Variants in CELF1 observed in about 807,000 individuals in gnomAD.
CELF1 encodes the protein 50 kDa nuclear polyadenylated RNA-binding protein.
Under a neutral mutation model 61.8 loss-of-function variants are expected in CELF1, and 10 were observed. The ratio of observed to expected loss-of-function variants is 0.16; its 90% confidence interval spans 0.10 to 0.27. The LOEUF is 0.27. CELF1 is among the 10% of genes least tolerant of loss of function. The probability of loss-of-function intolerance (pLI) is 1.00; values close to 1 mark genes in which losing one functional copy is unlikely to be tolerated. For synonymous variants in CELF1, 236 were observed against 225.1 expected (o/e 1.05, Z -0.43); for missense variants, 380 against 639.1 (o/e 0.59, Z 4.37).
chr11:47,515,969 G>A (rs1037872882), intron 1 of CELF1, among the ~76,000 whole-genome samples: 2 of 151,406 alleles, frequency 1.3e-5, no homozygotes, highest in African/African-American at 4.9e-5. Context: ...CAGGCTAGAG[G>A]GTAGTGGTGC....
intron 3 of CELF1, among the ~76,000 whole-genome samples, chr11:47,493,513 G>GAAA (rs35976407): frequency 1.4e-4 from 12 of 84,918 alleles, no homozygotes; most frequent in South Asian, 4.3e-4. Context: ...ATCTCAAAAA[G>GAAA]AAAAAAAAAA....
At chr11:47,556,159 G>C (rs79152156), upstream of CELF1, among the ~76,000 whole-genome samples, 6,225 of 152,138 alleles carry the variant, frequency 0.041, 421 homozygotes, top group African/African-American at 0.14. Flanking sequence ...ATGGATAATG[G>C]CAGAGATTGT....
chr11:47,565,392 G>A (rs2097241806), exon 1 of CELF1: 2 of 302,214 alleles, frequency 6.6e-6, no homozygotes, highest in Non-Finnish European at 6.0e-6. Flanking sequence ...TCCCTTCGCC[G>A]GGGTCCCAGT....
intron 9 of CELF1, among the ~76,000 whole-genome samples, chr11:47,479,294 C>T (rs1056173913): frequency 2.0e-5 from 3 of 152,178 alleles, no homozygotes; most frequent in Non-Finnish European, 4.4e-5. Flanking sequence ...TTATTGTCTG[C>T]GAATGAATGA....
chr11:47,478,222 G>A (rs1351692836), intron 10 of CELF1, among the ~76,000 whole-genome samples: 1 of 152,208 alleles, frequency 6.6e-6, no homozygotes, highest in African/African-American at 2.4e-5. Flanking sequence ...AGAGCAAAAT[G>A]CAGTTCACTG....
chr11:47,560,058 G>T (rs1216139386), intron 2 of CELF1, among the ~76,000 whole-genome samples: 1 of 151,856 alleles, frequency 6.6e-6, no homozygotes, highest in Admixed American at 6.6e-5. Flanking sequence ...CCAGCACTTT[G>T]GGAGGCTGAG....
chr11:47,558,650 GATATA>G (rs61613784), intron 2 of CELF1, among the ~76,000 whole-genome samples: 1,621 of 91,650 alleles, frequency 0.018, 30 homozygotes, highest in African/African-American at 0.061. Context: ...TAATATATTA[GATATA>G]ATATATTACA....
At chr11:47,473,040 G>T in intron 14 of CELF1, 48 bp downstream of exon 14, 1 of 1,584,166 alleles carries the variant, frequency 6.3e-7, no homozygotes, top group African/African-American at 1.4e-5. Flanking sequence ...TTCTTTCTCA[G>T]TGGTAAAATA....
chr11:47,510,180 C>T (rs921484718), intron 1 of CELF1, among the ~76,000 whole-genome samples: 1 of 152,140 alleles, frequency 6.6e-6, no homozygotes, highest in African/African-American at 2.4e-5. Flanking sequence ...ATTTAAAATA[C>T]AACCTCATAA....
chr11:47,534,388 C>T (rs898676361), intron 1 of CELF1, among the ~76,000 whole-genome samples: 1 of 151,370 alleles, frequency 6.6e-6, no homozygotes, highest in Admixed American at 6.6e-5. Flanking sequence ...GAAATCTCAG[C>T]TTCTCTACAC....
chr11:47,542,434 T>C (rs1565905661), intron 1 of CELF1, among the ~76,000 whole-genome samples: 2 of 151,692 alleles, frequency 1.3e-5, no homozygotes, highest in Admixed American at 6.6e-5. Context: ...TTTGATTAAG[T>C]GAGATCCATT....
At chr11:47,560,658 G>C (rs1414357126) in intron 2 of CELF1, among the ~76,000 whole-genome samples, 1 of 152,142 alleles carries the variant, frequency 6.6e-6, no homozygotes, top group East Asian at 1.9e-4. Flanking sequence ...ATTGGTGATA[G>C]TTGTGCAACC....
chr11:47,494,116 T>C (rs934775220), intron 3 of CELF1, among the ~76,000 whole-genome samples: 2 of 152,210 alleles, frequency 1.3e-5, no homozygotes, highest in East Asian at 3.8e-4. Flanking sequence ...TCCCTGTCAT[T>C]CCTAAGAGGC....
intron 1 of CELF1, among the ~76,000 whole-genome samples, chr11:47,548,313 A>G (rs2097034819): frequency 6.6e-6 from 1 of 152,180 alleles, no homozygotes. Context: ...AAAAAGGTTA[A>G]AACAACCTAA....
At chr11:47,558,810 TATATATATTGCAGCCA>T (rs1163070831) in intron 2 of CELF1, among the ~76,000 whole-genome samples, 4 of 124,556 alleles carry the variant, frequency 3.2e-5, no homozygotes, top group African/African-American at 6.0e-5. Context: ...CAGCCAATAA[TATATATATTGCAGCCA>T]ATATATATTG....
chr11:47,499,620 AAC>A lies in CELF1; in HGVS notation c.-81-18_-81-17del. On this transcript the variant is annotated splice_polypyrimidine_tract_variant and intron_variant, in intron 2 of 14. Coordinates refer to ENST00000687097, the MANE Select transcript of CELF1 (RefSeq NM_001376376.1). ...CTTTAGCTTCCTGGGCCCCACAAAA[AAC>A]ACAAAGTGGAAACAGGAGCTCAGGG... is the stretch of plus-strand genomic sequence containing the variant. The A allele has an allele frequency of 1.0e-6, 1 of 958,974 alleles. No individual in the cohort carries two copies. The highest frequency in any genetic ancestry group is 1.6e-6 in the Non-Finnish European group (1 of 635,836). 59.4% of individuals were successfully genotyped at this position (958,974 alleles called of 1,614,324 possible). A position where few individuals can be genotyped will look rare whatever the true frequency, so the allele number is the denominator to read the frequency against.
intron 1 of CELF1, among the ~76,000 whole-genome samples, chr11:47,540,590 A>C (rs555964865): frequency 6.6e-6 from 1 of 152,182 alleles, no homozygotes; most frequent in South Asian, 2.1e-4. Flanking sequence ...GAGCACTCAA[A>C]ATCAGGCAAG....
chr11:47,522,585 T>C (rs2095988100), intron 1 of CELF1, among the ~76,000 whole-genome samples: 1 of 151,374 alleles, frequency 6.6e-6, no homozygotes, highest in Non-Finnish European at 1.5e-5. Context: ...CCCAGCACTT[T>C]GGGAGGCCAA....
upstream of CELF1, among the ~76,000 whole-genome samples, chr11:47,555,195 A>G (rs747592431): frequency 2.6e-5 from 4 of 152,318 alleles, no homozygotes; most frequent in African/African-American, 4.8e-5. Flanking sequence ...GCGCCTTTAG[A>G]AGCTTCTTGG....
Sources: allele counts gnomAD v4.1 joint callset (sites outside exome capture counted in the v4.1 genomes callset), GRCh38; gene constraint gnomAD v4.1.1; transcripts MANE v1.5; gene names NCBI Gene and HGNC (gene_info 2026-07-23, HGNC 2026-07-21).